Variants in CAPN2 observed in about 807,000 individuals in gnomAD.
CAPN2 encodes the protein calpain-2 catalytic subunit.
A neutral mutation model predicts 102.3 loss-of-function variants in CAPN2; 92 were observed. The observed-to-expected ratio is 0.90, with a 90% CI of 0.76 to 1.07. The LOEUF (loss-of-function observed/expected upper bound fraction) is 1.07, where lower values mean the gene tolerates loss of function less well. Among genes scored for constraint, CAPN2 ranks in the 50% least tolerant of loss-of-function variants. The pLI, the probability that CAPN2 is intolerant of heterozygous loss-of-function variation, is 0.00. For missense variants in CAPN2, 800 were observed against 909.4 expected, an observed-to-expected ratio of 0.88 and a Z score of 1.55; for synonymous variants, 340 against 355.4, an observed-to-expected ratio of 0.96 and a Z score of 0.49.
Position 223,752,675 on chromosome 1 carries a change from C to G in CAPN2, c.975-121C>G. ...TGATTCTGAACCTGGTGCCCATCCA[C>G]TCAGTTCTAATGAGCTGCTCTGCCT... On this transcript the variant is annotated intron_variant, in intron 8 of 20. Transcript: ENST00000295006. 4 of 832,054 alleles carry G rather than the reference C, an allele frequency of 4.8e-6. No individual in the cohort carries two copies. The South Asian group carries it at 6.9e-5, about 14-fold the overall frequency. The allele number at this position is 832,054 out of a possible 1,614,324, so 51.5% of individuals were successfully genotyped here.
intron 20 of CAPN2, 21 bp downstream of exon 20, chr1:223,772,260 T>C (rs777357616): frequency 1.2e-6 from 2 of 1,610,000 alleles, no homozygotes; most frequent in Non-Finnish European, 1.7e-6. Context: ...AGGCCCCGCC[T>C]TGCTTCTAAG....
Position 223,766,399 on chromosome 1 carries a change from G to A in CAPN2, c.1723G>A (p.Glu575Lys), listed in dbSNP as rs765110911. Residue 575 changes from glutamate (E) to lysine (K), a missense_variant, in exon 16 of 21, where the codon GAG becomes AAG. By Grantham distance (56) the Glu-to-Lys change is moderately conservative (BLOSUM62 1). Transcript: ENST00000295006. ...QDIKSDGFSI[E>K]TCKIMVDMLD... ...TATCAAGTCAGATGGCTTCAGCATC[G>A]AGACATGCAAAATTATGGTTGACAT... The A allele has an allele frequency of 7.4e-6, 12 of 1,613,900 alleles. No homozygotes were observed. Among genetic ancestry groups the A allele is most frequent in the South Asian group, 4.4e-5 (4 of 91,078 alleles).
chr1:223,714,336 C>T (rs1198963747), intron 1 of CAPN2, among the ~76,000 whole-genome samples: 2 of 152,172 alleles, frequency 1.3e-5, no homozygotes, highest in Non-Finnish European at 2.9e-5. Flanking sequence ...CATTTACTCA[C>T]TCATTTGACA....
chr1:223,741,718 G>T (rs1435047396), intron 2 of CAPN2, among the ~76,000 whole-genome samples: 1 of 152,038 alleles, frequency 6.6e-6, no homozygotes, highest in Non-Finnish European at 1.5e-5. Flanking sequence ...GCCTCCCAAA[G>T]TGCTGGGATT....
In CAPN2 at chr1:223,755,786, G is replaced by C. The variant is rs1345821618; in HGVS notation, c.1305+137G>C. The C allele has an allele frequency of 3.5e-6, 3 of 860,410 alleles. No homozygotes were observed. In the African/African-American group the frequency reaches 5.2e-5, roughly 15 times the overall value. 53.3% of individuals were successfully genotyped at this position (860,410 alleles called of 1,614,324 possible). A position where few individuals can be genotyped will look rare whatever the true frequency, so the allele number is the denominator to read the frequency against. Reference sequence around the variant, plus strand: ...TGGCCAAGGAAAAACAAAACTACCAGCCTGGCCAGGCTCAGGAGTAGCCCC... The same window carrying C: ...TGGCCAAGGAAAAACAAAACTACCACCCTGGCCAGGCTCAGGAGTAGCCCC... On this transcript the variant is annotated intron_variant, in intron 10 of 20. Transcript: ENST00000295006. The surrounding 1 kb of genome is among the most constrained non-coding windows in gnomAD (Gnocchi z 4.1).
At chr1:223,717,897 G>T in intron 2 of CAPN2, 66 bp downstream of exon 2, 1 of 1,227,792 alleles carries the variant, frequency 8.1e-7, no homozygotes, top group East Asian at 2.3e-5. Context: ...AAGAGATGAG[G>T]GACAACCTGT....
chr1:223,761,800 G>A (rs747225254), intron 13 of CAPN2, 183 bp downstream of exon 13: 9 of 570,666 alleles, frequency 1.6e-5, no homozygotes, highest in Non-Finnish European at 2.8e-5. Flanking sequence ...TGGGGGCATG[G>A]GCCAGTCCCT....
At position 223,729,169 on chromosome 1, in the gene CAPN2, A is replaced by G. The variant is rs116076120; in HGVS notation, c.307+11338A>G. 3.3e-3 allele frequency among the ~76,000 whole-genome samples: 507 copies of G among 152,304 alleles called. 4 individuals are homozygous for G. The highest frequency in any genetic ancestry group is 0.012 in the African/African-American group (482 of 41,558). On this transcript the variant is annotated intron_variant, in intron 2 of 20. Coordinates refer to ENST00000295006, the MANE Select transcript of CAPN2 (RefSeq NM_001748.5). The stretch of plus-strand genomic sequence containing the variant: ...GTAATGGCTTGACATGCAATTTTTC[A>G]GCTTTACAATGGCATGAAAGCAATA...
At chr1:223,764,324 C>T (rs1474911161) in intron 15 of CAPN2, 117 bp downstream of exon 15, 7 of 813,742 alleles carry the variant, frequency 8.6e-6, no homozygotes, top group African/African-American at 1.7e-5. Context: ...CACCCTCCAT[C>T]CCCTCCAAGA....
intron 1 of CAPN2, among the ~76,000 whole-genome samples, chr1:223,703,082 T>C (rs1659523109): frequency 6.6e-6 from 1 of 152,120 alleles, no homozygotes; most frequent in Non-Finnish European, 1.5e-5. Context: ...ATGTTCATTT[T>C]CTCCCCCATT....
intron 1 of CAPN2, among the ~76,000 whole-genome samples, chr1:223,704,016 C>T (rs1417152886): frequency 1.3e-5 from 2 of 152,072 alleles, no homozygotes; most frequent in Non-Finnish European, 2.9e-5. Context: ...CTAGGCCAGC[C>T]GTGGTGGCTC....
chr1:223,735,289 T>A (rs1660425637), intron 2 of CAPN2, among the ~76,000 whole-genome samples: 2 of 152,046 alleles, frequency 1.3e-5, no homozygotes, highest in South Asian at 2.1e-4. Context: ...GCTCTTTGGG[T>A]GGCCAAGGCG....
intron 20 of CAPN2, 66 bp from the exon 21 acceptor site, chr1:223,774,768 G>GTACT (rs1661570533): frequency 7.0e-7 from 1 of 1,422,502 alleles, no homozygotes; most frequent in Non-Finnish European, 9.9e-7. Flanking sequence ...CAATCTACAG[G>GTACT]TACTTAAATA....
At chr1:223,743,035 G>A (rs1263688679) in intron 2 of CAPN2, among the ~76,000 whole-genome samples, 1 of 152,128 alleles carries the variant, frequency 6.6e-6, no homozygotes, top group Non-Finnish European at 1.5e-5. Context: ...AACCATCTGG[G>A]TGCTGTTGCT....
chr1:223,750,745 C>A, intron 6 of CAPN2, 145 bp from the exon 7 acceptor site: 1 of 695,032 alleles, frequency 1.4e-6, no homozygotes, highest in Middle Eastern at 2.7e-4. Flanking sequence ...GATCCTCCCT[C>A]ATACATGGAC....
chr1:223,774,821 T>C lies in CAPN2; in HGVS notation c.2080-13T>C. The C allele has an allele frequency of 6.2e-7, 1 of 1,612,708 alleles. No homozygotes were observed. ...TGGTCACTGAGCTGACTTTTTTTTT[T>C]CCTTCCTCACAGTGGCTCTGTTTCT... On this transcript the variant is annotated splice_polypyrimidine_tract_variant and intron_variant, in intron 20 of 20. Transcript: ENST00000295006.
intron 2 of CAPN2, among the ~76,000 whole-genome samples, chr1:223,739,342 C>T (rs1309482785): frequency 6.6e-6 from 1 of 152,010 alleles, no homozygotes; most frequent in Non-Finnish European, 1.5e-5. Flanking sequence ...TGCCAACATG[C>T]CTGGCTAATT....
At chr1:223,702,596 C>T (rs976085595) in intron 1 of CAPN2, among the ~76,000 whole-genome samples, 3 of 151,992 alleles carry the variant, frequency 2.0e-5, no homozygotes, top group Admixed American at 2.0e-4. Context: ...TCTCTAAGTC[C>T]ATAGAAAAGT....
intron 16 of CAPN2, among the ~76,000 whole-genome samples, chr1:223,767,153 TGATCAA>T (rs1461845534): frequency 1.1e-4 from 17 of 151,554 alleles, no homozygotes; most frequent in African/African-American, 3.9e-4. Context: ...CTGTTTTGTC[TGATCAA>T]GATCGTCGTC....
Sources: allele counts gnomAD v4.1 joint callset (sites outside exome capture counted in the v4.1 genomes callset), GRCh38; gene constraint gnomAD v4.1.1; non-coding constraint Gnocchi (gnomAD v3.1); transcripts MANE v1.5; gene names NCBI Gene and HGNC (gene_info 2026-07-23, HGNC 2026-07-21).